Variants in NOL4 observed in about 807,000 individuals in gnomAD.
NOL4 encodes nucleolar protein 4, also known as cancer/testis antigen 125.
NOL4 carries 17 observed loss-of-function variants against 75.9 expected under a neutral mutation model. The observed-to-expected ratio is 0.22, with a 90% CI of 0.15 to 0.34. The LOEUF is 0.34. NOL4 is among the 10% of genes least tolerant of loss of function. The pLI is 1.00. For missense variants in NOL4, 614 were observed against 793.5 expected, an observed-to-expected ratio of 0.77 and a Z score of 2.72; for synonymous variants, 292 against 289.9, an observed-to-expected ratio of 1.01 and a Z score of -0.07.
intron 1 of NOL4, among the ~76,000 whole-genome samples, chr18:34,218,248 C>T (rs539735997): frequency 2.0e-4 from 31 of 152,294 alleles, no homozygotes; most frequent in African/African-American, 7.0e-4. Context: ...ATTCCTCCGT[C>T]TTATGCAGTG....
intron 2 of NOL4, among the ~76,000 whole-genome samples, chr18:34,115,060 T>C (rs2079785309): frequency 6.6e-6 from 1 of 152,108 alleles, no homozygotes; most frequent in African/African-American, 2.4e-5. Context: ...CTCGGCAGAA[T>C]TTCTGCTCTA....
chr18:34,002,579 G>C (rs1295276498), intron 6 of NOL4, among the ~76,000 whole-genome samples: 1 of 151,972 alleles, frequency 6.6e-6, no homozygotes, highest in Non-Finnish European at 1.5e-5. Context: ...GAGAACCTCT[G>C]AGAAAAAGGA....
At chr18:34,033,586 G>T (rs1285033031) in intron 5 of NOL4, among the ~76,000 whole-genome samples, 2 of 152,010 alleles carry the variant, frequency 1.3e-5, no homozygotes, top group African/African-American at 4.8e-5. Flanking sequence ...AATTATGGGA[G>T]TCCCATAAAG....
At chr18:33,950,932 T>C (rs748243201) in intron 8 of NOL4, among the ~76,000 whole-genome samples, 7 of 152,114 alleles carry the variant, frequency 4.6e-5, no homozygotes, top group Non-Finnish European at 5.9e-5. Flanking sequence ...TCCTAGGAGT[T>C]TTTACATTTG....
chr18:34,081,966 T>C (rs1382913980), intron 5 of NOL4, among the ~76,000 whole-genome samples: 1 of 152,158 alleles, frequency 6.6e-6, no homozygotes, highest in Admixed American at 6.6e-5. Context: ...CTACAAATAA[T>C]ATTTTAATTT....
At chr18:33,883,222 A>G (rs2064418050) in intron 10 of NOL4, 22 bp downstream of exon 10, 1 of 1,535,786 alleles carries the variant, frequency 6.5e-7, no homozygotes, top group African/African-American at 1.4e-5. Context: ...AAAAAAAAAC[A>G]CAATCTATGA....
chr18:33,971,687 G>T (rs1479537600), intron 6 of NOL4, among the ~76,000 whole-genome samples: 1 of 152,102 alleles, frequency 6.6e-6, no homozygotes, highest in African/African-American at 2.4e-5. Context: ...GGTAACTTCT[G>T]CAAAGTAAAC....
intron 1 of NOL4, among the ~76,000 whole-genome samples, chr18:34,203,685 C>CCCCT (rs2035899350): frequency 9.9e-6 from 1 of 100,686 alleles, no homozygotes. Flanking sequence ...TCTCTCTCTC[C>CCCCT]CTCTCTCTCT....
chr18:34,182,268 C>G (rs1418745286), intron 1 of NOL4, among the ~76,000 whole-genome samples: 2 of 151,496 alleles, frequency 1.3e-5, no homozygotes, highest in African/African-American at 4.8e-5. Flanking sequence ...ATGCCTGAAA[C>G]TTGAGAACAT....
intron 10 of NOL4, among the ~76,000 whole-genome samples, chr18:33,864,442 G>A (rs2063331477): frequency 1.3e-5 from 2 of 152,140 alleles, no homozygotes; most frequent in South Asian, 2.1e-4. Context: ...AGCATAGCAA[G>A]AGTGACCTTT....
At chr18:34,065,321 A>G (rs1281051571) in intron 5 of NOL4, among the ~76,000 whole-genome samples, 3 of 151,950 alleles carry the variant, frequency 2.0e-5, no homozygotes, top group East Asian at 3.9e-4. Flanking sequence ...TTAAAATGTT[A>G]AAGAAACTAA....
chr18:34,001,387 C>T (rs562886549), intron 6 of NOL4, among the ~76,000 whole-genome samples: 1 of 152,146 alleles, frequency 6.6e-6, no homozygotes, highest in Non-Finnish European at 1.5e-5. Context: ...TCTTCCCATA[C>T]CTATAGCATT....
At chr18:34,141,899 C>A (rs1480971724) in intron 1 of NOL4, among the ~76,000 whole-genome samples, 1 of 152,018 alleles carries the variant, frequency 6.6e-6, no homozygotes, top group East Asian at 1.9e-4. Context: ...TACAGGCAAC[C>A]TACAGAATGG....
chr18:33,903,562 C>T (rs2065864617), intron 9 of NOL4, among the ~76,000 whole-genome samples: 1 of 152,156 alleles, frequency 6.6e-6, no homozygotes, highest in African/African-American at 2.4e-5. Flanking sequence ...AAAGCCTCAT[C>T]TTTAGATCTG....
intron 6 of NOL4, among the ~76,000 whole-genome samples, chr18:33,972,357 T>A (rs2071136725): frequency 6.6e-6 from 1 of 151,944 alleles, no homozygotes; most frequent in Admixed American, 6.6e-5. Context: ...AAGAAACATA[T>A]GACAAGATGC....
chr18:34,110,776 G>A (rs892176764), intron 2 of NOL4, among the ~76,000 whole-genome samples: 9 of 151,910 alleles, frequency 5.9e-5, no homozygotes, highest in African/African-American at 2.2e-4. Flanking sequence ...CTTATAGACA[G>A]AAAATCCTAA....
intron 1 of NOL4, among the ~76,000 whole-genome samples, chr18:34,196,562 C>T (rs1202902995): frequency 6.6e-6 from 1 of 152,074 alleles, no homozygotes; most frequent in Non-Finnish European, 1.5e-5. Context: ...ATGTTCACAG[C>T]AGGGATTTGG....
At chr18:34,143,996 T>G (rs1212897492) in intron 1 of NOL4, among the ~76,000 whole-genome samples, 3 of 152,162 alleles carry the variant, frequency 2.0e-5, no homozygotes, top group Non-Finnish European at 1.5e-5. Context: ...TCATTGCTTC[T>G]TTCAAGCTAC....
intron 5 of NOL4, among the ~76,000 whole-genome samples, chr18:34,033,120 A>G (rs1301115667): frequency 1.3e-5 from 2 of 152,190 alleles, no homozygotes; most frequent in Non-Finnish European, 2.9e-5. Context: ...ATGCAGAGAT[A>G]TCAATGTAAA....
Sources: allele counts gnomAD v4.1 joint callset (sites outside exome capture counted in the v4.1 genomes callset), GRCh38; gene constraint gnomAD v4.1.1; transcripts MANE v1.5; gene names NCBI Gene and HGNC (gene_info 2026-07-23, HGNC 2026-07-21).